TEX15: variants seen among roughly 807,000 people sequenced by gnomAD.
TEX15 encodes testis-expressed protein 15.
Under a neutral mutation model 237.3 loss-of-function variants are expected in TEX15, and 171 were observed. That is an observed-to-expected ratio of 0.72 (90% CI 0.64 to 0.82). The LOEUF (loss-of-function observed/expected upper bound fraction) is 0.82, where lower values mean the gene tolerates loss of function less well. TEX15 is among the 40% of genes least tolerant of loss of function. TEX15 has a pLI of 0.00. For missense variants in TEX15, 3,750 were observed against 3,646.5 expected (o/e 1.03, Z -0.73); for synonymous variants, 1,338 against 1,269.8 (o/e 1.05, Z -1.14).
rs1438593406 is a variant in TEX15 at position 30,907,513 on chromosome 8, CAAAATGTATATACAAATTATATAT to C, written c.-86+5342_-86+5365del. Reference sequence around the variant, plus strand: ...ATAAAATGTATATATAAATTATATACAAAATGTATATACAAATTATATATAAAATGTATATACAAAATTTATATA... The same window carrying C: ...ATAAAATGTATATATAAATTATATACAAAATGTATATACAAAATTTATATA... On this transcript the variant is annotated intron_variant, in intron 1 of 10. Transcript: ENST00000643185. 9.8e-4 allele frequency among the ~76,000 whole-genome samples: 139 copies of C among 142,080 alleles called. 1 individual carries two copies. The highest frequency in any genetic ancestry group is 3.4e-3 in the African/African-American group (134 of 39,196). The allele number at this position is 142,080 out of a possible 152,430, so 93.2% of individuals were successfully genotyped here. A position where few individuals can be genotyped will look rare whatever the true frequency, so the allele number is the denominator to read the frequency against.
chr8:30,848,930 A>C lies in TEX15; in HGVS notation c.1237T>G (p.Ser413Ala), dbSNP rs149483209. ...LKNILSGLNA[S>A]FPLHNNTGSS... ...CCAGTATTGTTGTGAAGAGGAAAAG[A>C]AGCATTAAGACCACTTAAAATATTT... The change falls in exon 8 of 11, where the codon TCT becomes GCT. Residue 413 changes from serine (S) to alanine (A), a missense_variant. By Grantham distance (99) the Ser-to-Ala change is moderately conservative. Transcript: ENST00000643185. The C allele has an allele frequency of 3.5e-4, 572 of 1,614,182 alleles. 1 individual carries two copies. In the African/African-American group the frequency reaches 5.9e-3, roughly 17 times the overall value.
chr8:30,848,303 T>C lies in TEX15; in HGVS notation c.1864A>G (p.Lys622Glu). ...CTGTCTTCCAGGTCAGCGAAGTTTT[T>C]CATCTTTCCAGTATTTTGAAGGTAT... ...DEYLQNTGKM[K>E]NFADLEDSSK... The change falls in exon 8 of 11, where the codon AAA (lysine) becomes GAA (glutamate). Residue 622 changes from lysine to glutamate, a missense_variant. By Grantham distance (56) the Lys-to-Glu change is moderately conservative. Coordinates refer to ENST00000643185, the MANE Select transcript of TEX15 (RefSeq NM_001350162.2). 6.2e-7 allele frequency: 1 copy of C among 1,613,218 alleles called. No homozygotes were observed. The highest frequency in any genetic ancestry group is 1.1e-5 in the South Asian group (1 of 90,856).
At chr8:30,882,546 A>G (rs1341818885) in intron 3 of TEX15, among the ~76,000 whole-genome samples, 2 of 152,030 alleles carry the variant, frequency 1.3e-5, no homozygotes, top group Non-Finnish European at 2.9e-5. Context: ...TCAGCCTCCC[A>G]AAGTGCTGGG....
chr8:30,848,515 A>T lies in TEX15; in HGVS notation c.1652T>A (p.Val551Asp). ...PISVSNVVSEVENQNHSEEKA... is the reference protein window; with the variant it reads ...PISVSNVVSEDENQNHSEEKA... ...CTCCTCACTGTGGTTTTGGTTCTCAACCTCTGACACTACATTTGACACAGA... is the reference window on the plus strand; with the variant it reads ...CTCCTCACTGTGGTTTTGGTTCTCATCCTCTGACACTACATTTGACACAGA... Residue 551 changes from valine to aspartate, a missense_variant, in exon 8 of 11, where the codon GTT becomes GAT. Val to Asp is a radical substitution (Grantham distance 152, BLOSUM62 -3). Transcript: ENST00000643185. 1 of 1,613,932 alleles carries T rather than the reference A, an allele frequency of 6.2e-7. No individual in the cohort carries two copies. The highest frequency in any genetic ancestry group is 8.5e-7 in the Non-Finnish European group (1 of 1,179,966).
intron 2 of TEX15, among the ~76,000 whole-genome samples, chr8:30,896,733 C>T (rs1225791435): frequency 2.0e-5 from 3 of 152,182 alleles, no homozygotes; most frequent in Admixed American, 6.5e-5. Flanking sequence ...GAATGCACTA[C>T]ACATCTCTAA....
intron 2 of TEX15, among the ~76,000 whole-genome samples, chr8:30,892,489 A>G (rs1808814686): frequency 6.6e-6 from 1 of 152,202 alleles, no homozygotes; most frequent in Non-Finnish European, 1.5e-5. Context: ...ATCTAACAAT[A>G]AATCTTGTTT....
chr8:30,833,458 G>T (rs1807225141), intron 10 of TEX15, 135 bp from the exon 11 acceptor site: 3 of 559,208 alleles, frequency 5.4e-6, no homozygotes, highest in South Asian at 3.8e-5. Context: ...GTAGCCATAG[G>T]GTCATCAGGT....
intron 5 of TEX15, among the ~76,000 whole-genome samples, chr8:30,862,046 C>T (rs559824788): frequency 6.6e-6 from 1 of 152,220 alleles, no homozygotes; most frequent in South Asian, 2.1e-4. Context: ...GGCATTCTTA[C>T]ACACTGTGGA....
In TEX15 at chr8:30,849,246, G is replaced by A. The variant is rs1316985531; in HGVS notation, c.921C>T (p.Thr307=). The A allele has an allele frequency of 6.5e-7, 1 of 1,536,014 alleles. No homozygotes were observed. Among genetic ancestry groups the A allele is most frequent in the South Asian group, 1.2e-5 (1 of 84,048 alleles). The part of the protein sequence containing the change: ...RFGKGKDATV[T]FVHFKKPVDP... ...CTACAGGTTTCTTGAAATGCACAAA[G>A]GTGACAGTAGCATCTTTTCCTTTTC... Residue 307 remains threonine, a synonymous_variant, in exon 8 of 11, where the codon ACC becomes ACT. Coordinates refer to ENST00000643185, the MANE Select transcript of TEX15 (RefSeq NM_001350162.2).
chr8:30,894,408 T>A (rs889646888), intron 2 of TEX15, among the ~76,000 whole-genome samples: 1 of 152,228 alleles, frequency 6.6e-6, no homozygotes, highest in East Asian at 1.9e-4. Flanking sequence ...TTATCGTTTG[T>A]TTATAATACC....
chr8:30,840,681 C>A (rs73570210), intron 8 of TEX15, among the ~76,000 whole-genome samples: 3 of 152,088 alleles, frequency 2.0e-5, no homozygotes, highest in African/African-American at 7.2e-5. Context: ...TACAGTACTA[C>A]TACTTATTAC....
Position 30,867,406 on chromosome 8 carries a change from C to T in TEX15, c.399G>A (p.Gln133=). 6.5e-7 allele frequency: 1 copy of T among 1,533,836 alleles called. No individual in the cohort carries two copies. The highest frequency in any genetic ancestry group is 8.7e-7 in the Non-Finnish European group (1 of 1,145,122). The stretch of plus-strand genomic sequence containing the variant: ...TAGATGCTCTGGTACTTATTCCATT[C>T]TGATATATCTGGGCTACATCACTCT... ...LPQSDVAQIY[Q]NGISTRASTL... is the part of the protein sequence containing the mutation. The change falls in exon 5 of 11, where the codon CAG becomes CAA. Residue 133 remains glutamine, a synonymous_variant. Coordinates refer to ENST00000643185, the MANE Select transcript of TEX15 (RefSeq NM_001350162.2).
At chr8:30,908,869 C>T (rs1792605421) in intron 1 of TEX15, among the ~76,000 whole-genome samples, 1 of 152,110 alleles carries the variant, frequency 6.6e-6, no homozygotes, top group Admixed American at 6.6e-5. Context: ...TTCAAGTAAT[C>T]ACACAAGTCC....
intron 3 of TEX15, among the ~76,000 whole-genome samples, chr8:30,877,241 T>C (rs1391280223): frequency 1.3e-5 from 2 of 152,186 alleles, no homozygotes; most frequent in Non-Finnish European, 1.5e-5. Flanking sequence ...TGCATGTCTG[T>C]GAAAGCATTG....
At chr8:30,906,315 GTGGCTCACGCCTGTAATCCCAGCACTT>G (rs1809102399) in intron 1 of TEX15, among the ~76,000 whole-genome samples, 1 of 152,202 alleles carries the variant, frequency 6.6e-6, no homozygotes, top group African/African-American at 2.4e-5. Context: ...GCTGGGCGCA[GTGGCTCACGCCTGTAATCCCAGCACTT>G]TGGAAGGCTG....
Position 30,845,066 on chromosome 8 carries a change from G to C in TEX15, c.5101C>G (p.Leu1701Val), listed in dbSNP as rs1460697932. Residue 1701 changes from leucine (L) to valine (V), a missense_variant, in exon 8 of 11, where the codon CTT becomes GTT. Coordinates refer to ENST00000643185, the MANE Select transcript of TEX15 (RefSeq NM_001350162.2). ...PKQNIITGNF[L>V]MGPLNLTLIA... ...AAAGTTAGGTTTAATGGGCCCATAA[G>C]GAAGTTTCCTGTAATAATGTTTTGT... 1 of 1,613,406 alleles carries C rather than the reference G, an allele frequency of 6.2e-7. No homozygotes were observed. The highest frequency in any genetic ancestry group is 8.5e-7 in the Non-Finnish European group (1 of 1,179,526).
rs761473374 is a variant in TEX15 at position 30,843,354 on chromosome 8, AAAGATATGTTCC to A, written c.6801_6812del (p.Glu2268_Phe2271del). The A allele has an allele frequency of 5.5e-4, 882 of 1,611,616 alleles. No homozygotes were observed. The highest frequency in any genetic ancestry group is 6.5e-4 in the Non-Finnish European group (771 of 1,179,394). On this transcript the variant is annotated inframe_deletion, in exon 8 of 11. Coordinates refer to ENST00000643185, the MANE Select transcript of TEX15 (RefSeq NM_001350162.2). ...AAACAAGATTTTTTGCAGCATCAAA[AAAGATATGTTCC>A]AGACCATAAAGAGATATTTTAACAC...
chr8:30,906,780 A>G (rs1809110599), intron 1 of TEX15, among the ~76,000 whole-genome samples: 1 of 152,182 alleles, frequency 6.6e-6, no homozygotes, highest in Admixed American at 6.5e-5. Flanking sequence ...ATAATTTATA[A>G]GCAGATTTTC....
chr8:30,866,139 T>C (rs1328726601), intron 5 of TEX15, among the ~76,000 whole-genome samples: 2 of 152,086 alleles, frequency 1.3e-5, no homozygotes, highest in Non-Finnish European at 2.9e-5. Flanking sequence ...TTCTATATGA[T>C]AATAGTTATT....
Sources: allele counts gnomAD v4.1 joint callset (sites outside exome capture counted in the v4.1 genomes callset), GRCh38; gene constraint gnomAD v4.1.1; transcripts MANE v1.5; gene names NCBI Gene and HGNC (gene_info 2026-07-23, HGNC 2026-07-21).